Variants in SCD5 observed in about 807,000 individuals in gnomAD.
SCD5 encodes the protein acyl-CoA-desaturase 4.
A neutral mutation model predicts 30.4 loss-of-function variants in SCD5; 20 were observed. The observed-to-expected ratio is 0.66, with a 90% CI of 0.46 to 0.96. The LOEUF (loss-of-function observed/expected upper bound fraction) is 0.96, where lower values mean the gene tolerates loss of function less well. Ranked by LOEUF, SCD5 falls within the 40% of genes least tolerant of loss-of-function variation. SCD5 has a pLI of 0.00. For missense variants in SCD5, 381 were observed against 443.3 expected, an observed-to-expected ratio of 0.86 and a Z score of 1.26; for synonymous variants, 173 against 176.4, an observed-to-expected ratio of 0.98 and a Z score of 0.16.
intron 1 of SCD5, among the ~76,000 whole-genome samples, chr4:82,752,273 T>TTA (rs139910934): frequency 0.13 from 18,788 of 145,426 alleles, 1,643 homozygotes; most frequent in African/African-American, 0.24. Flanking sequence ...TTTTAAAAAA[T>TTA]TATATATATA....
rs531837339 is a variant in SCD5 at position 82,734,008 on chromosome 4, G to C, written c.233-28595C>G. On this transcript the variant is annotated intron_variant, in intron 1 of 4. Coordinates refer to ENST00000319540, the MANE Select transcript of SCD5 (RefSeq NM_001037582.3). ...AATGGCCACTATTACATACAATGAA[G>C]GCTGTGTCTAAAGCCTTAAGAACGT... Among the ~76,000 whole-genome samples the C allele has an allele frequency of 2.0e-5, 3 of 151,992 alleles. No individual in the cohort carries two copies. The East Asian group carries it at 5.8e-4, about 29-fold the overall frequency.
chr4:82,694,655 C>A, intron 2 of SCD5, among the ~76,000 whole-genome samples: 1 of 149,432 alleles, frequency 6.7e-6, no homozygotes, highest in East Asian at 1.9e-4. Context: ...GAATCAATAA[C>A]TCTGCAGATC....
intron 1 of SCD5, among the ~76,000 whole-genome samples, chr4:82,764,916 A>G (rs1430066647): frequency 6.6e-6 from 1 of 152,100 alleles, no homozygotes; most frequent in Non-Finnish European, 1.5e-5. Flanking sequence ...TAGAAGAGAC[A>G]GTGTTTCACC....
intron 1 of SCD5, among the ~76,000 whole-genome samples, chr4:82,782,327 G>A (rs1364595989): frequency 2.6e-5 from 4 of 151,944 alleles, no homozygotes; most frequent in Non-Finnish European, 5.9e-5. Flanking sequence ...CAGACATACA[G>A]CAGAAATCCT....
At chr4:82,744,451 A>G (rs2148840067) in intron 1 of SCD5, among the ~76,000 whole-genome samples, 1 of 152,336 alleles carries the variant, frequency 6.6e-6, no homozygotes, top group East Asian at 1.9e-4. Context: ...CAGGCACTTA[A>G]GGCCTTGGCA....
chr4:82,675,791 A>T (rs1728423989), intron 3 of SCD5, among the ~76,000 whole-genome samples: 1 of 152,192 alleles, frequency 6.6e-6, no homozygotes, highest in Non-Finnish European at 1.5e-5. Flanking sequence ...ATTAATGGAG[A>T]CAGAGAGGCT....
intron 1 of SCD5, among the ~76,000 whole-genome samples, chr4:82,795,624 CT>C (rs978414789): frequency 6.6e-6 from 1 of 151,356 alleles, no homozygotes; most frequent in Admixed American, 6.6e-5. Context: ...CAAGACCGGC[CT>C]GGGCAACATG....
chr4:82,632,548 A>G (rs12647807), intron 4 of SCD5, among the ~76,000 whole-genome samples: 90,178 of 151,914 alleles, frequency 0.59, 27,840 homozygotes, highest in Admixed American at 0.71. Context: ...TTGGGTATAT[A>G]CCCAGTAATG....
At chr4:82,730,482 G>A (rs980340703) in intron 1 of SCD5, among the ~76,000 whole-genome samples, 2 of 150,070 alleles carry the variant, frequency 1.3e-5, no homozygotes, top group Non-Finnish European at 3.0e-5. Context: ...ATTTTTAGTA[G>A]AAACGGGGTT....
rs149057892 is a variant in SCD5 at position 82,705,486 on chromosome 4, C to G, written c.233-73G>C. The G allele has an allele frequency of 2.2e-4, 341 of 1,578,252 alleles. No individual in the cohort carries two copies. The African/African-American group carries it at 4.1e-3, about 19-fold the overall frequency. On this transcript the variant is annotated intron_variant, in intron 1 of 4. Coordinates refer to ENST00000319540, the MANE Select transcript of SCD5 (RefSeq NM_001037582.3). ...CAAACACCCCCCATGCTTTTTCTCT[C>G]CTGAACAGGGACACACGTGAAATGG...
chr4:82,678,197 A>G (rs1728476178), intron 3 of SCD5, among the ~76,000 whole-genome samples: 1 of 152,096 alleles, frequency 6.6e-6, no homozygotes, highest in Admixed American at 6.5e-5. Flanking sequence ...GATGATATGA[A>G]TGAATGGTTT....
At chr4:82,690,560 T>A (rs1351652723) in intron 2 of SCD5, among the ~76,000 whole-genome samples, 1 of 152,212 alleles carries the variant, frequency 6.6e-6, no homozygotes, top group African/African-American at 2.4e-5. Flanking sequence ...AATAACCTTC[T>A]AACTGCCTCC....
chr4:82,735,507 T>A (rs1020506652), intron 1 of SCD5, among the ~76,000 whole-genome samples: 20 of 152,184 alleles, frequency 1.3e-4, no homozygotes, highest in African/African-American at 4.8e-4. Flanking sequence ...AAGTAGTGAA[T>A]AATCCTACAG....
intron 1 of SCD5, among the ~76,000 whole-genome samples, chr4:82,768,713 G>A (rs1475773792): frequency 6.6e-6 from 1 of 152,304 alleles, no homozygotes; most frequent in East Asian, 1.9e-4. Context: ...GCGAGTCAAA[G>A]AAGAATGAAA....
chr4:82,703,060 T>C (rs904548363), intron 2 of SCD5, among the ~76,000 whole-genome samples: 9 of 152,212 alleles, frequency 5.9e-5, no homozygotes, highest in Non-Finnish European at 1.0e-4. Context: ...GGGATTCTAA[T>C]ATCCTACTAG....
intron 2 of SCD5, among the ~76,000 whole-genome samples, chr4:82,697,877 G>C (rs570590197): frequency 1.3e-5 from 2 of 152,342 alleles, no homozygotes; most frequent in Admixed American, 6.5e-5. Flanking sequence ...ATGCTTTAAT[G>C]AATTGATAAA....
intron 1 of SCD5, among the ~76,000 whole-genome samples, chr4:82,717,636 C>G (rs1336175802): frequency 1.3e-5 from 2 of 151,830 alleles, no homozygotes; most frequent in African/African-American, 4.9e-5. Context: ...GGTCCTTTGG[C>G]CTGGTGCAGT....
At chr4:82,725,859 CAAAAAAAGA>C (rs1213581177) in intron 1 of SCD5, among the ~76,000 whole-genome samples, 19 of 149,688 alleles carry the variant, frequency 1.3e-4, no homozygotes, top group Admixed American at 3.3e-4. Context: ...AACTCTGTTT[CAAAAAAAGA>C]AAAAAAAAGA....
At chr4:82,744,582 T>C (rs1720945856) in intron 1 of SCD5, among the ~76,000 whole-genome samples, 1 of 152,198 alleles carries the variant, frequency 6.6e-6, no homozygotes, top group South Asian at 2.1e-4. Context: ...TTTCAAAGAC[T>C]GAAATCTGTA....
Sources: allele counts gnomAD v4.1 joint callset (sites outside exome capture counted in the v4.1 genomes callset), GRCh38; gene constraint gnomAD v4.1.1; transcripts MANE v1.5; gene names NCBI Gene and HGNC (gene_info 2026-07-23, HGNC 2026-07-21).